HPSE2: variants seen among roughly 807,000 people sequenced by gnomAD.
The protein encoded by HPSE2 is inactive heparanase-2.
HPSE2 carries 38 observed loss-of-function variants against 60.5 expected under a neutral mutation model. The ratio of observed to expected loss-of-function variants is 0.63; its 90% CI spans 0.48 to 0.82. The LOEUF is 0.82. Ranked by LOEUF, HPSE2 falls within the 40% of genes least tolerant of loss-of-function variation. HPSE2 has a pLI of 0.00. For missense variants in HPSE2, 713 were observed against 740.4 expected (o/e 0.96, Z 0.43); for synonymous variants, 295 against 293.2 (o/e 1.01, Z -0.06).
the HPSE2 span, among the ~76,000 whole-genome samples, chr10:99,296,270 G>A: frequency 3.3e-5 from 5 of 152,146 alleles, no homozygotes; most frequent in African/African-American, 4.8e-5. Context: ...AGGTGAGACT[G>A]GACTCCAGAG....
intron 3 of HPSE2, among the ~76,000 whole-genome samples, chr10:98,867,519 G>C (rs958089764): frequency 6.6e-6 from 1 of 152,114 alleles, no homozygotes; most frequent in Non-Finnish European, 1.5e-5. Context: ...AGCATGTAGA[G>C]AAAAGGGAAC....
At chr10:98,536,698 C>T (rs907360087) in intron 9 of HPSE2, among the ~76,000 whole-genome samples, 33 of 152,148 alleles carry the variant, frequency 2.2e-4, no homozygotes, top group Non-Finnish European at 8.8e-5. Context: ...GCTTTAAGTA[C>T]ATATTCACTG....
chr10:99,007,440 C>T (rs1425035623), intron 3 of HPSE2, among the ~76,000 whole-genome samples: 1 of 152,200 alleles, frequency 6.6e-6, no homozygotes, highest in Non-Finnish European at 1.5e-5. Context: ...TTCCTACCCT[C>T]TTCAATGTGC....
intron 3 of HPSE2, among the ~76,000 whole-genome samples, chr10:99,089,278 T>C (rs906530489): frequency 5.9e-5 from 9 of 152,238 alleles, no homozygotes; most frequent in African/African-American, 2.2e-4. Flanking sequence ...TTTTCCGATG[T>C]TATCTTCTAG....
intron 2 of HPSE2, among the ~76,000 whole-genome samples, chr10:99,201,292 C>T (rs555753589): frequency 9.6e-4 from 146 of 152,060 alleles, no homozygotes; most frequent in African/African-American, 3.5e-3. Flanking sequence ...CTTTCTTTTC[C>T]ACTGCTGCTT....
At chr10:99,157,584 CTTATACA>C (rs1846628084) in intron 2 of HPSE2, among the ~76,000 whole-genome samples, 1 of 139,868 alleles carries the variant, frequency 7.1e-6, no homozygotes, top group Non-Finnish European at 1.6e-5. Context: ...TTCCTTATAC[CTTATACA>C]AAAATCAATT....
At chr10:98,473,194 T>C (rs1336925099) in intron 11 of HPSE2, among the ~76,000 whole-genome samples, 2 of 151,816 alleles carry the variant, frequency 1.3e-5, no homozygotes, top group African/African-American at 2.4e-5. Flanking sequence ...GGTAAGAAAA[T>C]TGAAAGGTGG....
In HPSE2 at chr10:98,753,562, C is replaced by G. The variant is rs139288613; in HGVS notation, c.611-9506G>C. ...TATATCAATACATTGGAATATTATT[C>G]ACCCATAAAAAGGAATGAAGCACTT... On this transcript the variant is annotated intron_variant, in intron 3 of 11. Transcript: ENST00000370552. Among the ~76,000 whole-genome samples, 501 of 152,290 alleles carry G rather than the reference C, an allele frequency of 3.3e-3. 3 individuals carry two copies. The highest frequency in any genetic ancestry group is 7.7e-3 in the South Asian group (37 of 4,816).
chr10:99,156,737 A>C (rs1344694640), intron 2 of HPSE2, among the ~76,000 whole-genome samples: 3 of 129,684 alleles, frequency 2.3e-5, no homozygotes. Flanking sequence ...CATAGTGTTG[A>C]AAGTTCTGGC....
At chr10:98,974,493 C>T (rs1052355609) in intron 3 of HPSE2, among the ~76,000 whole-genome samples, 2 of 152,012 alleles carry the variant, frequency 1.3e-5, no homozygotes, top group African/African-American at 4.8e-5. Context: ...GTCTTGAACT[C>T]CTGACCTCGT....
chr10:99,155,893 C>T (rs1288378011), intron 2 of HPSE2, among the ~76,000 whole-genome samples: 13 of 151,428 alleles, frequency 8.6e-5, no homozygotes, highest in Non-Finnish European at 1.8e-4. Context: ...ATCAAATAGA[C>T]ACAATAAAAA....
At chr10:98,812,911 T>C (rs1407418981) in intron 3 of HPSE2, among the ~76,000 whole-genome samples, 1 of 152,168 alleles carries the variant, frequency 6.6e-6, no homozygotes, top group Non-Finnish European at 1.5e-5. Context: ...TAAGAATATG[T>C]GCCACTGTAG....
At chr10:99,001,897 A>C (rs1956785898) in intron 3 of HPSE2, among the ~76,000 whole-genome samples, 1 of 152,146 alleles carries the variant, frequency 6.6e-6, no homozygotes, top group South Asian at 2.1e-4. Flanking sequence ...AACAGGTCAG[A>C]CTGTAATTAG....
chr10:99,137,962 G>A (rs1182425307), intron 3 of HPSE2, among the ~76,000 whole-genome samples: 1 of 152,160 alleles, frequency 6.6e-6, no homozygotes, highest in Non-Finnish European at 1.5e-5. Flanking sequence ...GCAACCTACA[G>A]AACGGGAGAA....
At chr10:99,294,418 CATATAAT>C in the HPSE2 span, among the ~76,000 whole-genome samples, 400 of 143,504 alleles carry the variant, frequency 2.8e-3, no homozygotes, top group African/African-American at 7.8e-3. Flanking sequence ...ATAATATATA[CATATAAT>C]ATATAATATA....
intron 6 of HPSE2, among the ~76,000 whole-genome samples, chr10:98,662,278 C>T (rs565508107): frequency 4.6e-5 from 7 of 152,236 alleles, no homozygotes; most frequent in East Asian, 1.9e-4. Flanking sequence ...GGTGCCCCCC[C>T]GGAAACTGAC....
intron 3 of HPSE2, among the ~76,000 whole-genome samples, chr10:98,976,061 T>A (rs547596697): frequency 6.6e-6 from 1 of 152,300 alleles, no homozygotes; most frequent in African/African-American, 2.4e-5. Context: ...TTTTATATCA[T>A]ATCACAGCTC....
chr10:98,542,849 T>G (rs893816982), intron 9 of HPSE2, among the ~76,000 whole-genome samples: 11 of 151,518 alleles, frequency 7.3e-5, no homozygotes, highest in African/African-American at 2.7e-4. Flanking sequence ...AATCTATGTC[T>G]GATTGGTGTA....
intron 3 of HPSE2, among the ~76,000 whole-genome samples, chr10:99,023,253 C>A (rs1957303847): frequency 6.6e-6 from 1 of 152,086 alleles, no homozygotes; most frequent in Non-Finnish European, 1.5e-5. Flanking sequence ...TGGGGTGAGG[C>A]TCCTCTGTCT....
Sources: allele counts gnomAD v4.1 joint callset (sites outside exome capture counted in the v4.1 genomes callset), GRCh38; gene constraint gnomAD v4.1.1; transcripts MANE v1.5; gene names NCBI Gene and HGNC (gene_info 2026-07-23, HGNC 2026-07-21).